The following PDGFC variants were observed in gnomAD, a reference collection of about 807,000 sequenced individuals.
The protein encoded by PDGFC is platelet-derived growth factor C.
PDGFC carries 12 observed loss-of-function variants against 35.5 expected under a neutral mutation model. That is an observed-to-expected ratio of 0.34 (90% confidence interval 0.22 to 0.55). PDGFC has a LOEUF of 0.55. PDGFC is among the 20% of genes least tolerant of loss of function. The pLI is 0.91. For missense variants in PDGFC, 322 were observed against 412.4 expected (o/e 0.78, Z 1.90); for synonymous variants, 159 against 148.8 (o/e 1.07, Z -0.50).
intron 3 of PDGFC, among the ~76,000 whole-genome samples, chr4:156,793,670 G>A (rs1043206926): frequency 4.6e-5 from 7 of 151,406 alleles, no homozygotes; most frequent in African/African-American, 1.7e-4. Context: ...AATCAGGGGG[G>A]CAGTGGCCTG....
chr4:156,908,097 C>T (rs547720644), intron 1 of PDGFC, among the ~76,000 whole-genome samples: 11 of 152,154 alleles, frequency 7.2e-5, no homozygotes, highest in African/African-American at 2.4e-4. Context: ...ACCCAGGAAG[C>T]GGAGGTTGCA....
In PDGFC at chr4:156,963,870, G is replaced by C. The variant is rs555673401; in HGVS notation, c.118+6916C>G. 4.0e-3 allele frequency among the ~76,000 whole-genome samples: 603 copies of C among 151,026 alleles called. 3 individuals carry two copies. Among genetic ancestry groups the C allele is most frequent in the Non-Finnish European group, 5.7e-3 (389 of 67,852 alleles). ...CCCTTTATAATTTTTAGCTCCCTTT[G>C]TTTTCAGATTTGGGAACTTTGCAAA... is the stretch of plus-strand genomic sequence containing the variant. On this transcript the variant is annotated intron_variant, in intron 1 of 5. Coordinates refer to ENST00000502773, the MANE Select transcript of PDGFC (RefSeq NM_016205.3).
chr4:156,771,765 C>G (rs1349448586), intron 4 of PDGFC, among the ~76,000 whole-genome samples: 1 of 152,212 alleles, frequency 6.6e-6, no homozygotes, highest in African/African-American at 2.4e-5. Flanking sequence ...TCAAATTAAC[C>G]GAACATTATT....
At chr4:156,801,380 C>T (rs1236284089) in intron 3 of PDGFC, among the ~76,000 whole-genome samples, 1 of 152,178 alleles carries the variant, frequency 6.6e-6, no homozygotes, top group Non-Finnish European at 1.5e-5. Flanking sequence ...ATCTCCATTG[C>T]AATTCCCCTG....
At chr4:156,895,359 G>A (rs556795210) in intron 1 of PDGFC, among the ~76,000 whole-genome samples, 1 of 152,258 alleles carries the variant, frequency 6.6e-6, no homozygotes, top group East Asian at 1.9e-4. Flanking sequence ...TGTCAGCTGG[G>A]AGCAGTGGCT....
rs962328144 is a variant in PDGFC at position 156,825,608 on chromosome 4, G to T, written c.315-14591C>A. On this transcript the variant is annotated intron_variant, in intron 2 of 5. Transcript: ENST00000502773. Reference sequence around the variant, plus strand: ...ATAATAATAATAAGAAGAAGAAGAAGAAGAAGAAGAAGAAGAAGAAGAAGA... The same window carrying T: ...ATAATAATAATAAGAAGAAGAAGAATAAGAAGAAGAAGAAGAAGAAGAAGA... Among the ~76,000 whole-genome samples, 808 of 124,700 alleles carry T rather than the reference G, an allele frequency of 6.5e-3. 5 individuals carry two copies. The highest frequency in any genetic ancestry group is 7.8e-3 in the South Asian group (32 of 4,102). The allele number at this position is 124,700 out of a possible 152,430, so 81.8% of individuals were successfully genotyped here.
At chr4:156,966,466 A>C (rs1732469350) in intron 1 of PDGFC, among the ~76,000 whole-genome samples, 1 of 152,304 alleles carries the variant, frequency 6.6e-6, no homozygotes, top group Non-Finnish European at 1.5e-5. Context: ...TTTTACTATG[A>C]AATTTATGAA....
chr4:156,964,465 A>G (rs1198063578), intron 1 of PDGFC, among the ~76,000 whole-genome samples: 3 of 148,842 alleles, frequency 2.0e-5, no homozygotes, highest in Admixed American at 6.7e-5. Context: ...TAGTACATAT[A>G]TATACAGTAT....
intron 1 of PDGFC, among the ~76,000 whole-genome samples, chr4:156,965,221 T>C (rs866667959): frequency 2.0e-5 from 3 of 152,178 alleles, no homozygotes; most frequent in African/African-American, 7.2e-5. Context: ...AGATGGCCTG[T>C]TGTTAGAGTT....
At chr4:156,837,188 T>A (rs1729083035) in intron 2 of PDGFC, among the ~76,000 whole-genome samples, 1 of 152,228 alleles carries the variant, frequency 6.6e-6, no homozygotes, top group African/African-American at 2.4e-5. Context: ...TATTTTTAAA[T>A]TTATACAGTT....
chr4:156,891,703 A>ACTGTAAGTACGGTGTTCAC (rs70956697), intron 1 of PDGFC, among the ~76,000 whole-genome samples: 3 of 152,080 alleles, frequency 2.0e-5, no homozygotes, highest in African/African-American at 7.2e-5. Context: ...GATAAATAAC[A>ACTGTAAGTACGGTGTTCAC]TTAAGTACAG....
At chr4:156,895,450 T>C (rs10009414) in intron 1 of PDGFC, among the ~76,000 whole-genome samples, 54,653 of 151,676 alleles carry the variant, frequency 0.36, 9,987 homozygotes, top group South Asian at 0.55. Flanking sequence ...CTGGCCAACA[T>C]GGTAAACCCC....
At chr4:156,805,603 G>A (rs532491922) in intron 3 of PDGFC, among the ~76,000 whole-genome samples, 9 of 151,914 alleles carry the variant, frequency 5.9e-5, no homozygotes, top group African/African-American at 1.9e-4. Context: ...TTTTTTCCTA[G>A]GAAAGAAAGT....
chr4:156,776,644 A>G (rs988012364), intron 3 of PDGFC, among the ~76,000 whole-genome samples: 1 of 152,216 alleles, frequency 6.6e-6, no homozygotes, highest in African/African-American at 2.4e-5. Flanking sequence ...GTGTCCTGCC[A>G]AAGAGTACAT....
intron 1 of PDGFC, among the ~76,000 whole-genome samples, chr4:156,932,139 C>A (rs1478337904): frequency 6.6e-6 from 1 of 152,050 alleles, no homozygotes; most frequent in Non-Finnish European, 1.5e-5. Context: ...GTCTAATTCA[C>A]CTTCACATTT....
At chr4:156,786,849 C>T (rs1284998131) in intron 3 of PDGFC, among the ~76,000 whole-genome samples, 1 of 152,136 alleles carries the variant, frequency 6.6e-6, no homozygotes, top group Non-Finnish European at 1.5e-5. Flanking sequence ...TGGAGAGTTT[C>T]AAGGAAATGA....
At chr4:156,808,627 C>T (rs1027180161) in intron 3 of PDGFC, among the ~76,000 whole-genome samples, 1 of 151,822 alleles carries the variant, frequency 6.6e-6, no homozygotes. Flanking sequence ...TGATGGATTG[C>T]ACCCTGTTAG....
intron 1 of PDGFC, among the ~76,000 whole-genome samples, chr4:156,856,598 G>T (rs1346682021): frequency 1.3e-5 from 2 of 152,086 alleles, no homozygotes; most frequent in Non-Finnish European, 2.9e-5. Context: ...ATTCCTAGAA[G>T]GTCAGCTGTA....
In PDGFC at chr4:156,971,592, G is replaced by A. The variant is rs1267062037; in HGVS notation, c.-689C>T. Among the ~76,000 whole-genome samples, 1 of 151,474 alleles carries A rather than the reference G, an allele frequency of 6.6e-6. No homozygotes were observed. Among genetic ancestry groups the A allele is most frequent in the African/African-American group, 2.4e-5 (1 of 41,352 alleles). On this transcript the variant is annotated 5_prime_UTR_variant, in exon 1 of 6. Coordinates refer to ENST00000502773, the MANE Select transcript of PDGFC (RefSeq NM_016205.3). ...CCGGAGCGCAGTTGGCCCCGGGTTCGGAGCGCCGCAGCACGGATTCCGGCA... is the reference window on the plus strand; with the variant it reads ...CCGGAGCGCAGTTGGCCCCGGGTTCAGAGCGCCGCAGCACGGATTCCGGCA...
Sources: allele counts gnomAD v4.1 joint callset (sites outside exome capture counted in the v4.1 genomes callset), GRCh38; gene constraint gnomAD v4.1.1; transcripts MANE v1.5; gene names NCBI Gene and HGNC (gene_info 2026-07-23, HGNC 2026-07-21).